The following SLC4A4 variants were observed in gnomAD, a reference collection of about 807,000 sequenced individuals.
SLC4A4 encodes electrogenic sodium bicarbonate cotransporter 1.
A neutral mutation model predicts 111.5 loss-of-function variants in SLC4A4; 27 were observed. The observed-to-expected ratio is 0.24, with a 90% CI of 0.18 to 0.33. The LOEUF (loss-of-function observed/expected upper bound fraction) is 0.33. Ranked by LOEUF, SLC4A4 falls within the 10% of genes least tolerant of loss-of-function variation. The probability of loss-of-function intolerance (pLI) is 1.00; values close to 1 mark genes in which losing one functional copy is unlikely to be tolerated. For synonymous variants in SLC4A4, 443 were observed against 463.4 expected (o/e 0.96, Z 0.57); for missense variants, 909 against 1,315.5 (o/e 0.69, Z 4.78).
rs1281537850 is a variant in SLC4A4, at chr4:71,349,919, A to C, written c.397A>C (p.Lys133Gln). Residue 133 changes from lysine (K) to glutamine (Q), a missense_variant, in exon 5 of 26, where the codon AAG becomes CAG. Lys to Gln is a moderately conservative substitution (Grantham distance 53). Transcript: ENST00000264485. ...CTAATCTCATCTTCCTAGGTGGATCAAGTTTGAAGAAAAAGTGGAACAGGG... is the reference window on the plus strand; with the variant it reads ...CTAATCTCATCTTCCTAGGTGGATCCAGTTTGAAGAAAAAGTGGAACAGGG... ...MEWKETARWI[K>Q]FEEKVEQGGE... 1 of 1,614,050 alleles carries C rather than the reference A, an allele frequency of 6.2e-7. No homozygotes were observed. The highest frequency in any genetic ancestry group is 8.5e-7 in the Non-Finnish European group (1 of 1,179,942).
At chr4:71,108,735 C>G (rs192016746) in intron 2 of SLC4A4, among the ~76,000 whole-genome samples, 2 of 151,940 alleles carry the variant, frequency 1.3e-5, no homozygotes, top group Non-Finnish European at 2.9e-5. Context: ...CTTCCAACCC[C>G]TTTCTCTCTC....
intron 4 of SLC4A4, among the ~76,000 whole-genome samples, chr4:71,349,021 T>G (rs1729578273): frequency 6.6e-6 from 1 of 152,232 alleles, no homozygotes; most frequent in African/African-American, 2.4e-5. Context: ...CAAAACGATG[T>G]TGCTTTCCCA....
intron 2 of SLC4A4, among the ~76,000 whole-genome samples, chr4:71,244,001 GC>G (rs1218188817): frequency 6.6e-6 from 1 of 152,048 alleles, no homozygotes; most frequent in Non-Finnish European, 1.5e-5. Flanking sequence ...CAGTATATCA[GC>G]TTTAGAGGAA....
chr4:71,076,616 T>C (rs988016837), intron 1 of SLC4A4, among the ~76,000 whole-genome samples: 1 of 152,204 alleles, frequency 6.6e-6, no homozygotes, highest in Non-Finnish European at 1.5e-5. Context: ...TGTGCTTAAC[T>C]CTTCTGTGGC....
At chr4:71,063,821 G>A (rs1026819315) in intron 1 of SLC4A4, among the ~76,000 whole-genome samples, 14 of 152,124 alleles carry the variant, frequency 9.2e-5, no homozygotes, top group Admixed American at 2.6e-4. Context: ...TATTTAATTT[G>A]TGATTGTGAA....
chr4:71,563,718 T>C, intron 23 of SLC4A4, 75 bp from the exon 24 acceptor site: 1 of 938,822 alleles, frequency 1.1e-6, no homozygotes, highest in Non-Finnish European at 1.8e-6. Context: ...TAGAAAACGG[T>C]TTGATCGATG....
chr4:71,559,355 C>A (rs1358546983), intron 22 of SLC4A4, among the ~76,000 whole-genome samples: 2 of 151,842 alleles, frequency 1.3e-5, no homozygotes, highest in East Asian at 3.9e-4. Context: ...TGGAAGCAGA[C>A]AACTGGGACC....
intron 2 of SLC4A4, among the ~76,000 whole-genome samples, chr4:71,129,025 A>G (rs1005578151): frequency 6.6e-6 from 1 of 152,220 alleles, no homozygotes; most frequent in Non-Finnish European, 1.5e-5. Context: ...AAGATAACCT[A>G]GGAAATACCA....
intron 7 of SLC4A4, among the ~76,000 whole-genome samples, chr4:71,421,462 A>T (rs1203599972): frequency 6.6e-6 from 1 of 152,174 alleles, no homozygotes; most frequent in Non-Finnish European, 1.5e-5. Flanking sequence ...CCAGGAATTG[A>T]ATTCAGCTCT....
In SLC4A4 at chr4:71,399,882, C is replaced by T. The variant is rs1297732643; in HGVS notation, c.807+2229C>T. 4.6e-5 allele frequency among the ~76,000 whole-genome samples: 7 copies of T among 152,162 alleles called. 1 individual carries two copies. In the South Asian group the frequency reaches 1.4e-3, roughly 31 times the overall value. ...AGATGCTAATGTGGATTGTCACCTT[C>T]CTTTCATCTTTCTACCTCTTGAAAT... On this transcript the variant is annotated intron_variant, in intron 7 of 25. Transcript: ENST00000264485.
chr4:71,226,420 G>A (rs1259166003), intron 1 of SLC4A4, among the ~76,000 whole-genome samples: 1 of 152,150 alleles, frequency 6.6e-6, no homozygotes, highest in African/African-American at 2.4e-5. Context: ...GCAGGTCCAG[G>A]TACCTCTTAA....
Position 71,557,882 on chromosome 4 carries a change from A to C in SLC4A4, c.2934A>C (p.Val978=), listed in dbSNP as rs1736612965. The C allele has an allele frequency of 1.2e-6, 2 of 1,611,026 alleles. No homozygotes were observed. The highest frequency in any genetic ancestry group is 2.7e-5 in the African/African-American group (2 of 74,760). Residue 978 remains valine, a synonymous_variant, in exon 22 of 26, where the codon GTA becomes GTC. Coordinates refer to ENST00000264485, the MANE Select transcript of SLC4A4 (RefSeq NM_001098484.3). ...CGGTGGCTGCTATCATTTTTCCAGTAATGGTAGGGATTCCTTTAATTGAAC... is the reference window on the plus strand; with the variant it reads ...CGGTGGCTGCTATCATTTTTCCAGTCATGGTAGGGATTCCTTTAATTGAAC... ...KSTVAAIIFP[V]MILALVAVRK...
intron 3 of SLC4A4, among the ~76,000 whole-genome samples, chr4:71,282,774 A>G (rs1723626645): frequency 6.7e-6 from 1 of 149,580 alleles, no homozygotes; most frequent in Admixed American, 6.6e-5. Context: ...ACAGTGTCTC[A>G]CTATGTTGCC....
rs1191130118 is a variant in SLC4A4, at chr4:71,451,298, G to A, written c.1319G>A (p.Gly440Glu). 6.3e-7 allele frequency: 1 copy of A among 1,581,728 alleles called. No individual in the cohort carries two copies. The highest frequency in any genetic ancestry group is 1.1e-5 in the South Asian group (1 of 90,438). The change falls in exon 11 of 26, where the codon GGA (glycine) becomes GAA (glutamate). Residue 440 changes from glycine (G) to glutamate (E), a missense_variant. Transcript: ENST00000264485. Reference sequence around the variant, plus strand: ...GATTGTGAAGAATTGCAGCGAACTGGACGGTAACTGACAGTTTCCTTTGCC... The same window carrying A: ...GATTGTGAAGAATTGCAGCGAACTGAACGGTAACTGACAGTTTCCTTTGCC... The part of the protein sequence containing the change: ...HGDCEELQRT[G>E]RFCGGLIKDI...
At chr4:71,503,001 TG>T (rs1375243602) in intron 16 of SLC4A4, among the ~76,000 whole-genome samples, 9 of 152,164 alleles carry the variant, frequency 5.9e-5, no homozygotes, top group Non-Finnish European at 4.4e-5. Flanking sequence ...TTTATATGTT[TG>T]GGTACTCTGT....
At chr4:71,164,654 A>AT (rs1744696247) in intron 2 of SLC4A4, among the ~76,000 whole-genome samples, 2 of 152,170 alleles carry the variant, frequency 1.3e-5, no homozygotes, top group South Asian at 4.1e-4. Context: ...CAAAGACTTC[A>AT]TGACTAAAAC....
At chr4:71,391,936 C>G (rs944816918) in intron 6 of SLC4A4, among the ~76,000 whole-genome samples, 3 of 151,986 alleles carry the variant, frequency 2.0e-5, no homozygotes, top group African/African-American at 4.8e-5. Context: ...TCTCTAGCAT[C>G]CTTACTTGCT....
intron 4 of SLC4A4, among the ~76,000 whole-genome samples, chr4:71,347,345 A>G (rs952612237): frequency 1.3e-5 from 2 of 152,162 alleles, no homozygotes; most frequent in East Asian, 3.8e-4. Context: ...TGCTATAACA[A>G]AATACCATAG....
At chr4:71,512,390 G>A (rs777883113) in intron 16 of SLC4A4, among the ~76,000 whole-genome samples, 2 of 152,080 alleles carry the variant, frequency 1.3e-5, no homozygotes, top group Non-Finnish European at 2.9e-5. Context: ...TTTCTCTGAT[G>A]ATTAGTGATG....
Sources: allele counts gnomAD v4.1 joint callset (sites outside exome capture counted in the v4.1 genomes callset), GRCh38; gene constraint gnomAD v4.1.1; transcripts MANE v1.5; gene names NCBI Gene and HGNC (gene_info 2026-07-23, HGNC 2026-07-21).